ZNF287: variants seen among roughly 807,000 people sequenced by gnomAD.
The protein encoded by ZNF287 is zinc finger protein with KRAB and SCAN domains 13.
In ZNF287, 31 loss-of-function variants were observed where a neutral mutation model predicts 73.7. The ratio of observed to expected loss-of-function variants is 0.42; its 90% CI spans 0.32 to 0.57. The LOEUF is 0.57. Ranked by LOEUF, ZNF287 falls within the 20% of genes least tolerant of loss-of-function variation. The pLI is 0.13. For missense variants in ZNF287, 641 were observed against 909.3 expected (o/e 0.70, Z 3.79); for synonymous variants, 301 against 307.2 (o/e 0.98, Z 0.21).
chr17:16,556,350 G>GA (rs962525136), intron 5 of ZNF287, among the ~76,000 whole-genome samples: 21 of 151,920 alleles, frequency 1.4e-4, no homozygotes, highest in African/African-American at 3.9e-4. Flanking sequence ...AATGTTAAAT[G>GA]AAAAAAGAGT....
Position 16,552,979 on chromosome 17 carries a change from C to T in ZNF287, c.1163G>A (p.Ser388Asn), listed in dbSNP as rs780476194. 1.4e-5 allele frequency: 23 copies of T among 1,614,136 alleles called. No homozygotes were observed. In the East Asian group the frequency reaches 5.1e-4, roughly 36 times the overall value. The change falls in exon 6 of 6, where the codon AGT becomes AAT. Residue 388 changes from serine (S) to asparagine (N), a missense_variant. Ser to Asn is a conservative substitution (Grantham distance 46). Transcript: ENST00000395825. The surrounding 1 kb of genome is among the most constrained non-coding windows in gnomAD (Gnocchi z 6.5). ...ATACGATTTCTCTTTGGCATGGGTA[C>T]TTTGGTGTTTCAGGAGGGATGGGTA... ...RKYPSLLKHQ[S>N]THAKEKSYEC...
Position 16,553,033 on chromosome 17 carries a change from C to T in ZNF287, c.1109G>A (p.Cys370Tyr). Residue 370 changes from cysteine to tyrosine, a missense_variant, in exon 6 of 6, where the codon TGT becomes TAT. Around this residue, in one of 2 missense-constraint regions of ZNF287, gnomAD observed 357 missense variants for 442.4 expected, o/e 0.81. Transcript: ENST00000395825. The part of the protein sequence containing the change: ...KILPGEKPYK[C>Y]NVCGKKFRKY... ...CCTAAATTTTTTCCCACACACATTA[C>T]ACTTGTAAGGCTTCTCTCCAGGAAG... is the stretch of plus-strand genomic sequence containing the variant. 6.2e-7 allele frequency: 1 copy of T among 1,614,168 alleles called. No homozygotes were observed. The highest frequency in any genetic ancestry group is 8.5e-7 in the Non-Finnish European group (1 of 1,180,030).
chr17:16,555,862 T>C (rs1431290895), intron 5 of ZNF287, among the ~76,000 whole-genome samples: 1 of 152,158 alleles, frequency 6.6e-6, no homozygotes, highest in African/African-American at 2.4e-5. Flanking sequence ...ATTTATAATA[T>C]AGCAAAAATG....
chr17:16,565,265 C>T (rs969203192), intron 3 of ZNF287, among the ~76,000 whole-genome samples: 1 of 151,616 alleles, frequency 6.6e-6, no homozygotes, highest in Non-Finnish European at 1.5e-5. Flanking sequence ...GAACTGATGA[C>T]TTTATAATAT....
rs1292229546 is a variant in ZNF287 at position 16,553,010 on chromosome 17, T to C, written c.1132A>G (p.Arg378Gly). 6.2e-7 allele frequency: 1 copy of C among 1,614,174 alleles called. No homozygotes were observed. The highest frequency in any genetic ancestry group is 8.5e-7 in the Non-Finnish European group (1 of 1,180,022). Residue 378 changes from arginine (R) to glycine (G), a missense_variant, in exon 6 of 6, where the codon AGG (arginine) becomes GGG (glycine). Coordinates refer to ENST00000395825, the MANE Select transcript of ZNF287 (RefSeq NM_020653.4). ...YKCNVCGKKF[R>G]KYPSLLKHQS... ...TGTTTCAGGAGGGATGGGTATTTCC[T>C]AAATTTTTTCCCACACACATTACAC...
intron 5 of ZNF287, among the ~76,000 whole-genome samples, chr17:16,556,384 T>C (rs915601978): frequency 1.3e-5 from 2 of 152,140 alleles, no homozygotes; most frequent in Non-Finnish European, 2.9e-5. Flanking sequence ...TGAAAACACA[T>C]CAGAAGTGGA....
chr17:16,559,813 C>T (rs1315346114), intron 5 of ZNF287, among the ~76,000 whole-genome samples: 3 of 152,154 alleles, frequency 2.0e-5, no homozygotes, highest in Non-Finnish European at 2.9e-5. Flanking sequence ...CAAATTGGGA[C>T]ATGTCAAAAA....
At chr17:16,559,245 T>C (rs1457653170) in intron 5 of ZNF287, 1 of 152,088 alleles carries the variant, frequency 6.6e-6, no homozygotes, top group South Asian at 2.1e-4. Flanking sequence ...TTACTGTTTT[T>C]GCATACTCAA....
At position 16,560,831 on chromosome 17, in the gene ZNF287, G is replaced by A. The variant is rs529765361; in HGVS notation, c.715+2315C>T. ...ATCTTGGTTAACATGGTGAAACCCC[G>A]TCTCTACTAAAAATACAAAAAATTA... On this transcript the variant is annotated intron_variant, in intron 5 of 5. Transcript: ENST00000395825. Among the ~76,000 whole-genome samples, 217 of 150,738 alleles carry A rather than the reference G, an allele frequency of 1.4e-3. 1 individual carries two copies. The highest frequency in any genetic ancestry group is 4.8e-3 in the African/African-American group (196 of 41,036).
rs1024490483 is a variant in ZNF287 at position 16,567,621 on chromosome 17, A to G, written c.111T>C (p.Leu37=). The G allele has an allele frequency of 1.9e-6, 3 of 1,614,068 alleles. No individual in the cohort carries two copies. The highest frequency in any genetic ancestry group is 2.5e-6 in the Non-Finnish European group (3 of 1,180,046). Reference sequence around the variant, plus strand: ...CAGTGTCACGCAAGAATCTTGAAGTAAGGATTTCCTTCTCAACATTGTAGG... The same window carrying G: ...CAGTGTCACGCAAGAATCTTGAAGTGAGGATTTCCTTCTCAACATTGTAGG... ...SGPYNVEKEI[L]TSRFLRDTET... Residue 37 remains leucine, a synonymous_variant, in exon 2 of 6, where the codon CTT becomes CTC. Coordinates refer to ENST00000395825, the MANE Select transcript of ZNF287 (RefSeq NM_020653.4).
At position 16,563,680 on chromosome 17, in the gene ZNF287, G is replaced by GGATGCA; in HGVS notation, c.628+13_628+18dup. The GGATGCA allele has an allele frequency of 6.2e-7, 1 of 1,608,968 alleles. No homozygotes were observed. The highest frequency in any genetic ancestry group is 8.5e-7 in the Non-Finnish European group (1 of 1,177,246). The stretch of plus-strand genomic sequence containing the variant: ...AATGGGAACAGGCTCGGAGGAGGAG[G>GGATGCA]GATGCAGATGATCCTTACCCAGAGA... On this transcript the variant is annotated intron_variant, in intron 4 of 5. Transcript: ENST00000395825.
intron 3 of ZNF287, 111 bp downstream of exon 3, chr17:16,566,414 C>G (rs545153660): frequency 1.0e-4 from 81 of 813,060 alleles, no homozygotes; most frequent in Admixed American, 1.9e-4. Context: ...GAAACTGGGG[C>G]TTAAGTCCTT....
In ZNF287 at chr17:16,553,394, C is replaced by T. The variant is rs757301153; in HGVS notation, c.748G>A (p.Val250Met). 3.8e-6 allele frequency: 6 copies of T among 1,583,572 alleles called. No homozygotes were observed. Among genetic ancestry groups the T allele is most frequent in the Non-Finnish European group, 4.3e-6 (5 of 1,167,742 alleles). ...WETKAQACTPVEDMSKLTKEE... is the reference protein window; with the variant it reads ...WETKAQACTPMEDMSKLTKEE... ...TTTGTGAGTTTAGACATATCCTCCA[C>T]TGGAGTACATGCTTGGGCTTTAGTT... The change falls in exon 6 of 6, where the codon GTG becomes ATG. Residue 250 changes from valine to methionine, a missense_variant. This residue lies in a region of ZNF287 where 357 missense variants were observed against 442.4 expected (regional missense o/e 0.81). Transcript: ENST00000395825.
chr17:16,559,592 C>CAT (rs1255002772), intron 5 of ZNF287, among the ~76,000 whole-genome samples: 3 of 151,912 alleles, frequency 2.0e-5, no homozygotes, highest in African/African-American at 4.8e-5. Flanking sequence ...CACACACACA[C>CAT]ACACACACAC....
chr17:16,559,833 C>T (rs1056567601), intron 5 of ZNF287, among the ~76,000 whole-genome samples: 3 of 152,196 alleles, frequency 2.0e-5, no homozygotes, highest in Non-Finnish European at 4.4e-5. Context: ...AGATGCTGGA[C>T]TTTTGTTTGA....
Position 16,552,735 on chromosome 17 carries a change from G to T in ZNF287, c.1407C>A (p.Ile469=). Residue 469 remains isoleucine (I), a synonymous_variant, in exon 6 of 6, where the codon ATC becomes ATA. Transcript: ENST00000395825. The surrounding 1 kb of genome is among the most constrained non-coding windows in gnomAD (Gnocchi z 6.5). ...KDFSQRAHLT[I]HQRTHTGEKP... ...TCTCTCCAGTATGTGTCCTTTGATG[G>T]ATGGTAAGGTGTGCACGCTGACTGA... 1.2e-6 allele frequency: 2 copies of T among 1,613,992 alleles called. No individual in the cohort carries two copies. Among genetic ancestry groups the T allele is most frequent in the Non-Finnish European group, 1.7e-6 (2 of 1,179,988 alleles).
chr17:16,560,500 C>G (rs1907370211), intron 5 of ZNF287, among the ~76,000 whole-genome samples: 1 of 151,358 alleles, frequency 6.6e-6, no homozygotes, highest in South Asian at 2.1e-4. Context: ...CAGGCACCCA[C>G]CACCACGCCC....
In ZNF287 at chr17:16,551,143, T is replaced by C. The variant is rs968029731; in HGVS notation, c.*713A>G. Among the ~76,000 whole-genome samples the C allele has an allele frequency of 3.3e-5, 5 of 152,172 alleles. No individual in the cohort carries two copies. Among genetic ancestry groups the C allele is most frequent in the African/African-American group, 7.2e-5 (3 of 41,450 alleles). ...ACCTACTGGCTCCATATGGCAGTTA[T>C]GGCATAACAGGAGAAGGGGAAGTAA... On this transcript the variant is annotated 3_prime_UTR_variant, in exon 6 of 6. Coordinates refer to ENST00000395825, the MANE Select transcript of ZNF287 (RefSeq NM_020653.4).
At chr17:16,563,099 T>C (rs1834943083) in intron 5 of ZNF287, 47 bp downstream of exon 5, 2 of 1,395,342 alleles carry the variant, frequency 1.4e-6, no homozygotes, top group East Asian at 2.3e-5. Context: ...ACATTTAGGA[T>C]ATAGATTCTT....
Sources: allele counts gnomAD v4.1 joint callset (sites outside exome capture counted in the v4.1 genomes callset), GRCh38; gene constraint gnomAD v4.1.1; regional missense constraint gnomAD v4.1.1; non-coding constraint Gnocchi (gnomAD v3.1); transcripts MANE v1.5; gene names NCBI Gene and HGNC (gene_info 2026-07-23, HGNC 2026-07-21).